Variants in LRP1B observed in about 807,000 individuals in gnomAD.
The protein encoded by LRP1B is low-density lipoprotein receptor-related protein 1B.
In LRP1B, 217 loss-of-function variants were observed where a neutral mutation model predicts 556.6. That is an observed-to-expected ratio of 0.39 (90% CI 0.35 to 0.44). The LOEUF (loss-of-function observed/expected upper bound fraction) is 0.44, where lower values mean the gene tolerates loss of function less well. Ranked by LOEUF, LRP1B falls within the 20% of genes least tolerant of loss-of-function variation. LRP1B has a pLI of 1.00. For synonymous variants in LRP1B, 2,047 were observed against 1,865.8 expected, an observed-to-expected ratio of 1.10 and a Z score of -2.50; for missense variants, 5,053 against 5,620.8, an observed-to-expected ratio of 0.90 and a Z score of 3.23.
intron 32 of LRP1B, among the ~76,000 whole-genome samples, chr2:140,788,468 T>A (rs12618206): frequency 0.43 from 65,102 of 151,588 alleles, 15,609 homozygotes; most frequent in East Asian, 0.58. Context: ...AAAAAAATAA[T>A]ATATATTACC....
chr2:140,516,675 T>C lies in LRP1B; in HGVS notation c.8149+214A>G, dbSNP rs568994912. ...AGTAATTATTCAACAAAAACAGAGG[T>C]TAAAAGAAAAGTCTAGGACCAAAGA... On this transcript the variant is annotated intron_variant, in intron 50 of 90. Transcript: ENST00000389484. Among the ~76,000 whole-genome samples the C allele has an allele frequency of 7.2e-5, 11 of 152,096 alleles. No individual in the cohort carries two copies. In the South Asian group the frequency reaches 2.3e-3, roughly 32 times the overall value.
intron 1 of LRP1B, among the ~76,000 whole-genome samples, chr2:141,945,330 A>G (rs1700921828): frequency 6.6e-6 from 1 of 152,140 alleles, no homozygotes; most frequent in South Asian, 2.1e-4. Context: ...TGGGGCTCAG[A>G]AGATGTAATT....
At chr2:141,367,471 CTTTTTTTTTTTTTTTTTT>C (rs1169568111) in intron 3 of LRP1B, among the ~76,000 whole-genome samples, 2 of 44,922 alleles carry the variant, frequency 4.5e-5, no homozygotes, top group African/African-American at 1.9e-4. Context: ...ATTTGAAATG[CTTTTTTTTTTTTTTTTTT>C]TTTTTTTTTT....
chr2:141,934,646 T>C, intron 1 of LRP1B, among the ~76,000 whole-genome samples: 1 of 152,248 alleles, frequency 6.6e-6, no homozygotes, highest in African/African-American at 2.4e-5. Context: ...GAGATAATTA[T>C]GGGGGCTGTT....
At chr2:140,487,537 G>T (rs1385971204) in intron 58 of LRP1B, 80 bp downstream of exon 58, 12 of 1,339,126 alleles carry the variant, frequency 9.0e-6, no homozygotes, top group Non-Finnish European at 1.3e-5. Flanking sequence ...TAATATCATG[G>T]TCATAAAATA....
intron 2 of LRP1B, among the ~76,000 whole-genome samples, chr2:141,502,473 G>A (rs764058685): frequency 2.0e-5 from 3 of 152,082 alleles, no homozygotes; most frequent in Non-Finnish European, 4.4e-5. Context: ...TAAAATAAAA[G>A]GTTACGATCT....
chr2:141,298,889 G>C (rs1382726242), intron 3 of LRP1B, among the ~76,000 whole-genome samples: 1 of 151,102 alleles, frequency 6.6e-6, no homozygotes, highest in African/African-American at 2.4e-5. Context: ...GACAGGCAGA[G>C]GTTGCAGTGA....
chr2:140,317,723 T>A (rs1684587186), intron 82 of LRP1B, among the ~76,000 whole-genome samples: 1 of 152,166 alleles, frequency 6.6e-6, no homozygotes, highest in African/African-American at 2.4e-5. Context: ...TAAGGCATTA[T>A]GATCATAGAT....
intron 41 of LRP1B, among the ~76,000 whole-genome samples, chr2:140,644,583 T>A (rs942942671): frequency 3.3e-5 from 5 of 151,904 alleles, no homozygotes; most frequent in African/African-American, 9.7e-5. Context: ...TTTCTTTTAT[T>A]TTTTATTTTT....
intron 2 of LRP1B, among the ~76,000 whole-genome samples, chr2:141,633,483 G>A (rs1432890337): frequency 6.6e-6 from 1 of 152,094 alleles, no homozygotes; most frequent in Non-Finnish European, 1.5e-5. Flanking sequence ...TCAAGTTACA[G>A]TGTGAAATGT....
intron 3 of LRP1B, among the ~76,000 whole-genome samples, chr2:141,330,159 C>T (rs546331249): frequency 6.6e-6 from 1 of 152,114 alleles, no homozygotes; most frequent in East Asian, 1.9e-4. Flanking sequence ...TCCAGAATTG[C>T]ACAAATTTGA....
chr2:141,524,491 C>T (rs1355882315), intron 2 of LRP1B, among the ~76,000 whole-genome samples: 2 of 151,970 alleles, frequency 1.3e-5, no homozygotes, highest in South Asian at 2.1e-4. Context: ...AGGCCACATG[C>T]GGCCCAGGAC....
intron 2 of LRP1B, among the ~76,000 whole-genome samples, chr2:141,782,224 C>T (rs1411608160): frequency 6.6e-6 from 1 of 152,024 alleles, no homozygotes; most frequent in Non-Finnish European, 1.5e-5. Flanking sequence ...GCCATAGGTA[C>T]AGATTGTTTT....
At chr2:142,057,587 C>T (rs955544002) in intron 1 of LRP1B, among the ~76,000 whole-genome samples, 2 of 152,156 alleles carry the variant, frequency 1.3e-5, no homozygotes, top group African/African-American at 2.4e-5. Flanking sequence ...CTTTAACAAT[C>T]TATCTGTGTT....
At chr2:141,778,870 C>T (rs1695156377) in intron 2 of LRP1B, among the ~76,000 whole-genome samples, 1 of 152,046 alleles carries the variant, frequency 6.6e-6, no homozygotes, top group African/African-American at 2.4e-5. Context: ...AGAATGCTTT[C>T]GCTGTTTAAT....
chr2:142,073,833 C>G (rs748505490), intron 1 of LRP1B, among the ~76,000 whole-genome samples: 1 of 151,878 alleles, frequency 6.6e-6, no homozygotes, highest in East Asian at 1.9e-4. Flanking sequence ...CTTCCTCTCT[C>G]TCTTCCTCCT....
At chr2:140,786,650 G>T (rs1428039960) in intron 32 of LRP1B, among the ~76,000 whole-genome samples, 1 of 152,154 alleles carries the variant, frequency 6.6e-6, no homozygotes, top group Admixed American at 6.5e-5. Context: ...ATGAAGGTAA[G>T]ATGGAGAGCA....
At chr2:140,889,743 G>A (rs561105808) in intron 23 of LRP1B, among the ~76,000 whole-genome samples, 45 of 152,334 alleles carry the variant, frequency 3.0e-4, no homozygotes, top group African/African-American at 1.1e-3. Flanking sequence ...CAGCTCGTAA[G>A]TGGAGGAGAA....
intron 1 of LRP1B, among the ~76,000 whole-genome samples, chr2:142,064,952 G>T (rs1705052858): frequency 6.7e-6 from 1 of 150,122 alleles, no homozygotes. Flanking sequence ...AGCAATAGCA[G>T]AGTTTTGGGC....
Sources: allele counts gnomAD v4.1 joint callset (sites outside exome capture counted in the v4.1 genomes callset), GRCh38; gene constraint gnomAD v4.1.1; transcripts MANE v1.5; gene names NCBI Gene and HGNC (gene_info 2026-07-23, HGNC 2026-07-21).